Variants in CLIC4 observed in about 807,000 individuals in gnomAD.
CLIC4 encodes the protein chloride intracellular channel protein 4.
Under a neutral mutation model 24.6 loss-of-function variants are expected in CLIC4, and 13 were observed. That is an observed-to-expected ratio of 0.53 (90% CI 0.34 to 0.84). The LOEUF (loss-of-function observed/expected upper bound fraction) is 0.84. Ranked by LOEUF, CLIC4 falls within the 40% of genes least tolerant of loss-of-function variation. The pLI is 0.01. For missense variants in CLIC4, 227 were observed against 301.7 expected, an observed-to-expected ratio of 0.75 and a Z score of 1.83; for synonymous variants, 104 against 111.3, an observed-to-expected ratio of 0.93 and a Z score of 0.41.
At position 24,840,865 on chromosome 1, in the gene CLIC4, C is replaced by T. The variant is rs1401815864; in HGVS notation, c.690C>T (p.Phe230=). 8 of 1,612,424 alleles carry T rather than the reference C, an allele frequency of 5.0e-6. No homozygotes were observed. The highest frequency in any genetic ancestry group is 6.8e-6 in the Non-Finnish European group (8 of 1,179,042). Reference sequence around the variant, plus strand: ...CTAATGCATACAGTAGGGACGAGTTCACCAATACCTGTCCCAGTGATAAGG... The same window carrying T: ...CTAATGCATACAGTAGGGACGAGTTTACCAATACCTGTCCCAGTGATAAGG... The part of the protein sequence containing the change: ...YLTNAYSRDE[F]TNTCPSDKEV... Residue 230 remains phenylalanine, a synonymous_variant, in exon 6 of 6, where the codon TTC becomes TTT. Coordinates refer to ENST00000374379, the MANE Select transcript of CLIC4 (RefSeq NM_013943.3).
chr1:24,763,148 C>T (rs529680224), intron 1 of CLIC4, among the ~76,000 whole-genome samples: 3 of 152,106 alleles, frequency 2.0e-5, no homozygotes, highest in Admixed American at 1.3e-4. Flanking sequence ...CCAGACTGTC[C>T]AACACTATGT....
chr1:24,826,265 A>T (rs1326471579), intron 3 of CLIC4, among the ~76,000 whole-genome samples: 1 of 152,214 alleles, frequency 6.6e-6, no homozygotes, highest in Non-Finnish European at 1.5e-5. Context: ...CTACCCTCAT[A>T]AATATTCTAG....
intron 1 of CLIC4, among the ~76,000 whole-genome samples, chr1:24,783,177 T>C (rs116421411): frequency 0.016 from 2,413 of 152,274 alleles, 66 homozygotes; most frequent in African/African-American, 0.055. Flanking sequence ...GTGTATGTAA[T>C]GTTGTTACGT....
At chr1:24,840,286 C>T (rs986409047) in intron 5 of CLIC4, among the ~76,000 whole-genome samples, 1 of 152,092 alleles carries the variant, frequency 6.6e-6, no homozygotes, top group African/African-American at 2.4e-5. Context: ...AGATATAATG[C>T]GTGACTTTGA....
At chr1:24,804,593 G>A (rs1639527834) in intron 2 of CLIC4, among the ~76,000 whole-genome samples, 1 of 151,186 alleles carries the variant, frequency 6.6e-6, no homozygotes. Flanking sequence ...GTGTGTGTGT[G>A]TGTGATTGAG....
intron 1 of CLIC4, among the ~76,000 whole-genome samples, chr1:24,746,320 C>T (rs1252143309): frequency 6.6e-6 from 1 of 152,160 alleles, no homozygotes; most frequent in Non-Finnish European, 1.5e-5. Flanking sequence ...GGCGTTGCTG[C>T]TTCGGGAAGG....
rs1638674185 is a variant in CLIC4, at chr1:24,745,471, A to G, written c.-83A>G. On this transcript the variant is annotated 5_prime_UTR_variant, in exon 1 of 6. Transcript: ENST00000374379. ...CAGTCCAGCGAGCAGCACGGCGGGA[A>G]CCGGCAGCCGGAGCAGTCCCGGAGC... is the stretch of plus-strand genomic sequence containing the variant. The G allele has an allele frequency of 1.5e-6, 2 of 1,320,716 alleles. No individual in the cohort carries two copies. The highest frequency in any genetic ancestry group is 4.2e-5 in the Admixed American group (2 of 47,088). 81.8% of individuals were successfully genotyped at this position (1,320,716 alleles called of 1,614,324 possible). A position where few individuals can be genotyped will look rare whatever the true frequency, so the allele number is the denominator to read the frequency against.
At chr1:24,816,639 A>G (rs1639673383) in intron 3 of CLIC4, among the ~76,000 whole-genome samples, 1 of 152,186 alleles carries the variant, frequency 6.6e-6, no homozygotes, top group Admixed American at 6.5e-5. Flanking sequence ...CTATGGCCTT[A>G]TGAAATGTGT....
intron 1 of CLIC4, among the ~76,000 whole-genome samples, chr1:24,794,534 G>A (rs931852585): frequency 6.6e-6 from 1 of 151,938 alleles, no homozygotes; most frequent in Non-Finnish European, 1.5e-5. Flanking sequence ...ATTTTAATGG[G>A]GTTGTTTTAT....
intron 1 of CLIC4, among the ~76,000 whole-genome samples, chr1:24,776,908 G>C (rs770840711): frequency 3.3e-5 from 5 of 151,946 alleles, no homozygotes; most frequent in African/African-American, 1.2e-4. Context: ...GCAAAACTCT[G>C]TCTCAAAAAA....
chr1:24,813,244 A>G (rs1639633202), intron 2 of CLIC4, among the ~76,000 whole-genome samples: 2 of 151,560 alleles, frequency 1.3e-5, no homozygotes, highest in Admixed American at 1.3e-4. Context: ...GGGTTTCACC[A>G]TGTTGGTCAG....
intron 2 of CLIC4, among the ~76,000 whole-genome samples, chr1:24,811,436 G>C (rs531247711): frequency 6.6e-6 from 1 of 152,296 alleles, no homozygotes; most frequent in African/African-American, 2.4e-5. Flanking sequence ...CTTACAATTT[G>C]AGAAACAGCT....
intron 3 of CLIC4, among the ~76,000 whole-genome samples, chr1:24,826,450 A>G (rs1639787669): frequency 6.6e-6 from 1 of 152,156 alleles, no homozygotes. Context: ...GGACATACTA[A>G]GGATCTGGTT....
intron 2 of CLIC4, among the ~76,000 whole-genome samples, chr1:24,808,678 AT>A (rs35508226): frequency 1.9e-3 from 263 of 138,294 alleles, no homozygotes; most frequent in Non-Finnish European, 2.8e-3. Flanking sequence ...TATCTATAAA[AT>A]TTTTTTTTTT....
chr1:24,788,750 C>CT (rs1383419206), intron 1 of CLIC4, among the ~76,000 whole-genome samples: 1 of 152,164 alleles, frequency 6.6e-6, no homozygotes, highest in Non-Finnish European at 1.5e-5. Context: ...GAATTTCCTG[C>CT]TTTTTTGCCT....
rs533789416 is a variant in CLIC4, at chr1:24,791,451, A to G, written c.73-6291A>G. Among the ~76,000 whole-genome samples the G allele has an allele frequency of 5.1e-4, 77 of 152,154 alleles. No homozygotes were observed. The South Asian group carries it at 0.015, about 30-fold the overall frequency. ...TTGACTTGTGAATTCTAGAAATTTG[A>G]ATTTTTTGCCAGGCCCAGTGGCTCA... On this transcript the variant is annotated intron_variant, in intron 1 of 5. Transcript: ENST00000374379.
chr1:24,785,854 C>CAAAATAAAAAAAA (rs1639259799), intron 1 of CLIC4, among the ~76,000 whole-genome samples: 1 of 58,852 alleles, frequency 1.7e-5, no homozygotes, highest in Non-Finnish European at 2.9e-5. Flanking sequence ...GACTACAACT[C>CAAAATAAAAAAAA]AAAAAAAAAA....
intron 1 of CLIC4, among the ~76,000 whole-genome samples, chr1:24,777,314 G>C (rs1200788870): frequency 6.6e-6 from 1 of 152,170 alleles, no homozygotes; most frequent in Non-Finnish European, 1.5e-5. Context: ...GGGAGGCCAG[G>C]GCGGGCGGAT....
At chr1:24,752,533 C>T (rs1365880430) in intron 1 of CLIC4, among the ~76,000 whole-genome samples, 1 of 152,132 alleles carries the variant, frequency 6.6e-6, no homozygotes, top group Non-Finnish European at 1.5e-5. Flanking sequence ...GGAAGCACAT[C>T]TTAAGGGCCC....
Sources: gnomAD v4.1 joint callset for allele counts (sites outside exome capture counted in the v4.1 genomes callset) on GRCh38, gnomAD v4.1.1 for gene constraint, MANE v1.5 for transcripts, NCBI Gene and HGNC (gene_info 2026-07-23, HGNC 2026-07-21) for gene names.